PDE1C: variants seen among roughly 807,000 people sequenced by gnomAD.
PDE1C encodes the protein dual specificity calcium/calmodulin-dependent 3',5'-cyclic nucleotide phosphodiesterase 1C.
PDE1C carries 62 observed loss-of-function variants against 93.1 expected under a neutral mutation model. The ratio of observed to expected loss-of-function variants is 0.67; its 90% CI spans 0.54 to 0.82. The LOEUF (loss-of-function observed/expected upper bound fraction) is 0.82. Among genes scored for constraint, PDE1C ranks in the 40% least tolerant of loss-of-function variants. PDE1C has a pLI of 0.00. For missense variants in PDE1C, 742 were observed against 884.6 expected (o/e 0.84, Z 2.04); for synonymous variants, 325 against 310.1 (o/e 1.05, Z -0.50).
At chr7:32,101,460 G>T (rs1260814573) in intron 3 of PDE1C, among the ~76,000 whole-genome samples, 1 of 152,098 alleles carries the variant, frequency 6.6e-6, no homozygotes, top group Non-Finnish European at 1.5e-5. Flanking sequence ...AGGTTTTTGG[G>T]TCATGGGGAT....
intron 16 of PDE1C, among the ~76,000 whole-genome samples, chr7:31,807,607 T>C (rs1243678965): frequency 1.3e-5 from 2 of 151,992 alleles, no homozygotes; most frequent in Non-Finnish European, 2.9e-5. Flanking sequence ...ACTTGATTTA[T>C]TCTGGGCTTT....
At chr7:32,336,602 G>GA (rs1034703689) in intron 1 of PDE1C, among the ~76,000 whole-genome samples, 1 of 151,938 alleles carries the variant, frequency 6.6e-6, no homozygotes, top group African/African-American at 2.4e-5. Context: ...CTCTGTGAAG[G>GA]AAAAAAACAA....
At position 32,289,823 on chromosome 7, in the gene PDE1C, G is replaced by A. The variant is rs571422742; in HGVS notation, c.85+8828C>T. On this transcript the variant is annotated intron_variant, in intron 1 of 18. Coordinates refer to the PDE1C transcript ENST00000396193. The stretch of plus-strand genomic sequence containing the variant: ...TCCTTTTCTCCTCCCCAAGCCCGTG[G>A]AATCGCACCTGAGCCACTCTATGAA... Among the ~76,000 whole-genome samples, 6 of 152,282 alleles carry A rather than the reference G, an allele frequency of 3.9e-5. No homozygotes were observed. The South Asian group carries it at 1.0e-3, about 26-fold the overall frequency.
chr7:31,725,891 T>C, the PDE1C span, among the ~76,000 whole-genome samples: 1 of 152,186 alleles, frequency 6.6e-6, no homozygotes, highest in Non-Finnish European at 1.5e-5. Context: ...TACAGGTTAC[T>C]TTTTCTTACA....
intron 2 of PDE1C, among the ~76,000 whole-genome samples, chr7:31,945,252 T>C (rs923344248): frequency 1.2e-4 from 19 of 152,316 alleles, no homozygotes; most frequent in African/African-American, 3.8e-4. Context: ...TCATTATTGC[T>C]TTAAAAAGTT....
intron 2 of PDE1C, among the ~76,000 whole-genome samples, chr7:32,184,649 TGGGGTA>T (rs925254336): frequency 2.6e-5 from 4 of 151,862 alleles, no homozygotes; most frequent in East Asian, 1.9e-4. Flanking sequence ...GGGCCTGTTG[TGGGGTA>T]GGGGTAGGGG....
chr7:31,789,961 C>T, intron 16 of PDE1C: 1 of 1,221,796 alleles, frequency 8.2e-7, no homozygotes, highest in Non-Finnish European at 1.0e-6. Flanking sequence ...GATGCCCCTT[C>T]ATGTTTTGTT....
chr7:31,790,364 A>G (rs1489524187), intron 16 of PDE1C: 37 of 892,238 alleles, frequency 4.1e-5, no homozygotes, highest in Non-Finnish European at 5.9e-5. Context: ...ACCAAAAAAA[A>G]TGGGATAACC....
intron 1 of PDE1C, among the ~76,000 whole-genome samples, chr7:32,289,229 A>G (rs986131805): frequency 1.3e-5 from 2 of 152,150 alleles, no homozygotes; most frequent in African/African-American, 4.8e-5. Context: ...ACATAGTGAG[A>G]GCCCATCTCT....
In PDE1C at chr7:31,809,095, A is replaced by C. The variant is rs1452042579; in HGVS notation, c.1827T>G (p.Asp609Glu). Residue 609 changes from aspartate to glutamate, a missense_variant, in exon 16 of 18, where the codon GAT becomes GAG. Physicochemically the swap from Asp to Glu is conservative, Grantham distance 45 (BLOSUM62 2). This residue lies in a region of PDE1C where 454 missense variants were observed against 459.4 expected (regional missense o/e 0.99). Transcript: ENST00000396191. Reference protein sequence around the residue: ...GEQQQNGDFKDGKNKTDKKDH... With the variant: ...GEQQQNGDFKEGKNKTDKKDH... The stretch of plus-strand genomic sequence containing the variant: ...CCTTCTTGTCTGTCTTATTTTTACC[A>C]TCTTTGAAGTCACCTGAAAGTAATA... 6 of 1,580,848 alleles carry C rather than the reference A, an allele frequency of 3.8e-6. No individual in the cohort carries two copies. The African/African-American group carries it at 8.1e-5, about 21-fold the overall frequency.
At chr7:32,300,182 C>G (rs1172402039), upstream of PDE1C, among the ~76,000 whole-genome samples, 6 of 152,180 alleles carry the variant, frequency 3.9e-5, no homozygotes, top group African/African-American at 1.4e-4. Flanking sequence ...TACTGGAACC[C>G]AGGTTAATGC....
intron 1 of PDE1C, among the ~76,000 whole-genome samples, chr7:32,387,656 G>A (rs1784660604): frequency 4.9e-5 from 7 of 144,226 alleles, no homozygotes; most frequent in African/African-American, 1.6e-4. Context: ...CCTCCCGGAC[G>A]GGGCGGCTGG....
At chr7:32,260,461 C>T (rs1369845172) in intron 1 of PDE1C, among the ~76,000 whole-genome samples, 2 of 152,170 alleles carry the variant, frequency 1.3e-5, no homozygotes, top group South Asian at 2.1e-4. Context: ...TGAAACATGG[C>T]CCTCAAATTT....
intron 2 of PDE1C, among the ~76,000 whole-genome samples, chr7:31,954,003 A>T (rs1261500588): frequency 6.6e-6 from 1 of 152,190 alleles, no homozygotes; most frequent in African/African-American, 2.4e-5. Flanking sequence ...ATATCCTCCA[A>T]TTCAATCTTC....
At chr7:31,879,385 T>G in intron 3 of PDE1C, 1 of 530,584 alleles carries the variant, frequency 1.9e-6, no homozygotes, top group Non-Finnish European at 3.4e-6. Flanking sequence ...TCCACTGATA[T>G]TTCAGGATGG....
chr7:32,278,708 G>A (rs998635229), intron 1 of PDE1C, among the ~76,000 whole-genome samples: 1 of 152,164 alleles, frequency 6.6e-6, no homozygotes, highest in African/African-American at 2.4e-5. Context: ...GAAGAAAAAA[G>A]TTATGATCCA....
chr7:32,152,781 T>C (rs1267127722), intron 3 of PDE1C, among the ~76,000 whole-genome samples: 2 of 152,174 alleles, frequency 1.3e-5, no homozygotes, highest in African/African-American at 4.8e-5. Flanking sequence ...TTCAGGCACA[T>C]ACATGCTACG....
At chr7:32,301,665 A>G (rs924983522), upstream of PDE1C, among the ~76,000 whole-genome samples, 1 of 152,238 alleles carries the variant, frequency 6.6e-6, no homozygotes, top group Non-Finnish European at 1.5e-5. Flanking sequence ...GAATGCTAAC[A>G]TTACATAAGT....
intron 17 of PDE1C, among the ~76,000 whole-genome samples, chr7:31,771,001 T>A (rs1795458054): frequency 6.6e-6 from 1 of 152,254 alleles, no homozygotes; most frequent in African/African-American, 2.4e-5. Flanking sequence ...TTCCTTTTTT[T>A]AAATTTCAGA....
Sources: allele counts gnomAD v4.1 joint callset (sites outside exome capture counted in the v4.1 genomes callset), GRCh38; gene constraint gnomAD v4.1.1; regional missense constraint gnomAD v4.1.1; transcripts MANE v1.5; gene names NCBI Gene and HGNC (gene_info 2026-07-23, HGNC 2026-07-21).